GON4L: variants seen among roughly 807,000 people sequenced by gnomAD.
GON4L encodes GON-4-like protein.
In GON4L, 87 loss-of-function variants were observed where a neutral mutation model predicts 211.8. That is an observed-to-expected ratio of 0.41 (90% CI 0.35 to 0.49). GON4L has a LOEUF of 0.49. Among genes scored for constraint, GON4L ranks in the 20% least tolerant of loss-of-function variants. GON4L has a pLI of 0.15. For missense variants in GON4L, 2,155 were observed against 2,659.5 expected (o/e 0.81, Z 4.17); for synonymous variants, 875 against 962.6 (o/e 0.91, Z 1.68).
chr1:155,855,082 T>C (rs1365473948), intron 1 of GON4L, among the ~76,000 whole-genome samples: 1 of 152,022 alleles, frequency 6.6e-6, no homozygotes, highest in Non-Finnish European at 1.5e-5. Flanking sequence ...AAACTTTGTG[T>C]CGAAACAAGG....
At chr1:155,796,283 CT>C (rs368237326) in intron 11 of GON4L, among the ~76,000 whole-genome samples, 199 of 142,634 alleles carry the variant, frequency 1.4e-3, no homozygotes, top group African/African-American at 1.3e-3. Context: ...TTTCTTTTTT[CT>C]TTTTTTTTTT....
intron 17 of GON4L, chr1:155,773,496 G>T: frequency 2.4e-6 from 1 of 421,864 alleles, no homozygotes; most frequent in Non-Finnish European, 4.3e-6. Flanking sequence ...AAAATAAGGT[G>T]CTAACAATAG....
intron 16 of GON4L, among the ~76,000 whole-genome samples, chr1:155,775,785 T>A (rs1023312940): frequency 3.9e-5 from 6 of 152,000 alleles, no homozygotes; most frequent in African/African-American, 1.4e-4. Flanking sequence ...ACTTTTATTT[T>A]ATTTATTTAT....
At chr1:155,775,229 T>C in intron 16 of GON4L, 56 bp from the exon 17 acceptor site, 2 of 1,608,770 alleles carry the variant, frequency 1.2e-6, no homozygotes, top group South Asian at 1.1e-5. Context: ...TTAATACCAG[T>C]AGCCTTCAGA....
intron 11 of GON4L, among the ~76,000 whole-genome samples, chr1:155,795,925 T>C (rs1021942065): frequency 3.3e-5 from 5 of 152,100 alleles, no homozygotes; most frequent in East Asian, 3.9e-4. Context: ...GTGTGAGCCA[T>C]TGCACCCTGC....
rs112359646 is a variant in GON4L at position 155,810,061 on chromosome 1, T to C, written c.1452+3573A>G. 3.6e-3 allele frequency among the ~76,000 whole-genome samples: 528 copies of C among 147,960 alleles called. 6 individuals carry two copies. Among genetic ancestry groups the C allele is most frequent in the African/African-American group, 0.013 (501 of 39,936 alleles). ...CCCAGGCTGGAGTGCACTGGCGCCATCTCGGCTCACTGCAACCTCCGCTTC... is the reference window on the plus strand; with the variant it reads ...CCCAGGCTGGAGTGCACTGGCGCCACCTCGGCTCACTGCAACCTCCGCTTC... On this transcript the variant is annotated intron_variant, in intron 10 of 31. Coordinates refer to ENST00000368331, the MANE Select transcript of GON4L (RefSeq NM_001282860.2).
rs779603203 is a variant in GON4L at position 155,765,878 on chromosome 1, C to T, written c.3595G>A (p.Val1199Met). Reference protein sequence around the residue: ...SFPCPLNQSLVASSVSPLIVS... With the variant: ...SFPCPLNQSLMASSVSPLIVS... Reference sequence around the variant, plus strand: ...ATTAAGGGTGAGACAGAGGAGGCCACAAGGGACTGGTTCAATGGACAGGGG... The same window carrying T: ...ATTAAGGGTGAGACAGAGGAGGCCATAAGGGACTGGTTCAATGGACAGGGG... The change falls in exon 21 of 32, where the codon GTG becomes ATG. Residue 1199 changes from valine (V) to methionine (M), a missense_variant. This residue lies in a region of GON4L where 615 missense variants were observed against 625.7 expected (regional missense o/e 0.98). Coordinates refer to ENST00000368331, the MANE Select transcript of GON4L (RefSeq NM_001282860.2). 3.1e-6 allele frequency: 5 copies of T among 1,614,108 alleles called. No homozygotes were observed. The highest frequency in any genetic ancestry group is 1.6e-4 in the Middle Eastern group (1 of 6,062).
chr1:155,827,339 C>T (rs758623513), intron 2 of GON4L, among the ~76,000 whole-genome samples: 1 of 152,088 alleles, frequency 6.6e-6, no homozygotes, highest in Admixed American at 6.6e-5. Flanking sequence ...ACCATTAACA[C>T]CATATTTCAT....
At chr1:155,827,055 C>T (rs778947603) in intron 2 of GON4L, 27 bp from the exon 3 acceptor site, 22 of 1,505,270 alleles carry the variant, frequency 1.5e-5, no homozygotes, top group Non-Finnish European at 2.0e-5. Context: ...TATTGCTCCA[C>T]ACTTTGACCA....
chr1:155,821,582 A>C, intron 4 of GON4L, 34 bp from the exon 5 acceptor site: 3 of 1,282,858 alleles, frequency 2.3e-6, no homozygotes, highest in Non-Finnish European at 3.4e-6. Context: ...TTATGCAACA[A>C]GGGTTTGTCA....
chr1:155,762,372 C>T lies in GON4L; in HGVS notation c.4729G>A (p.Glu1577Lys). The change falls in exon 23 of 32, where the codon GAG becomes AAG. Residue 1577 changes from glutamate (E) to lysine (K), a missense_variant and splice_region_variant. Glu to Lys is a moderately conservative substitution (Grantham distance 56). Around this residue, in one of 6 missense-constraint regions of GON4L, gnomAD observed 455 missense variants for 504.6 expected, o/e 0.90. Coordinates refer to ENST00000368331, the MANE Select transcript of GON4L (RefSeq NM_001282860.2). ...CCTTTTCCAGCAGCTTTGATGCTCT[C>T]TCCTTGTAGCACACATGAAAAGGAT... ...EVETSRTPPG[E>K]SIKAAGKGRN... 2 of 1,605,578 alleles carry T rather than the reference C, an allele frequency of 1.2e-6. No individual in the cohort carries two copies. The highest frequency in any genetic ancestry group is 1.1e-5 in the South Asian group (1 of 90,288).
rs555251531 is a variant in GON4L at position 155,752,779 on chromosome 1, C to T, written c.5843-189G>A. Among the ~76,000 whole-genome samples, 22 of 152,096 alleles carry T rather than the reference C, an allele frequency of 1.4e-4. 1 individual carries two copies. The highest frequency in any genetic ancestry group is 6.5e-4 in the Admixed American group (10 of 15,290). ...GGGACTGCCAGGGGTTTGAGACTAG[C>T]CTGGGCAATATGGTGAGACTCCATC... On this transcript the variant is annotated intron_variant, in intron 29 of 31. Transcript: ENST00000368331.
At chr1:155,762,815 A>C (rs1438556363) in intron 22 of GON4L, among the ~76,000 whole-genome samples, 2 of 152,164 alleles carry the variant, frequency 1.3e-5, no homozygotes, top group Admixed American at 6.5e-5. Flanking sequence ...AGGCGGGTGG[A>C]TCATAAGGTT....
chr1:155,831,347 G>T (rs1054891278), intron 2 of GON4L, among the ~76,000 whole-genome samples: 3 of 152,054 alleles, frequency 2.0e-5, no homozygotes, highest in African/African-American at 7.2e-5. Flanking sequence ...CGTTTTGGGA[G>T]GCCAAGGCAG....
chr1:155,801,832 G>A (rs972748134), intron 11 of GON4L, among the ~76,000 whole-genome samples: 4 of 151,196 alleles, frequency 2.6e-5, no homozygotes, highest in East Asian at 3.9e-4. Flanking sequence ...GCAGTGAGCC[G>A]AGATCACACC....
Position 155,822,385 on chromosome 1 carries a change from C to G in GON4L, c.789G>C (p.Leu263Phe), listed in dbSNP as rs1668812770. 5 of 1,613,542 alleles carry G rather than the reference C, an allele frequency of 3.1e-6. No individual in the cohort carries two copies. In the South Asian group the frequency reaches 3.3e-5, roughly 11 times the overall value. Residue 263 changes from leucine to phenylalanine, a missense_variant, in exon 4 of 32, where the codon TTG (leucine) becomes TTC (phenylalanine). Physicochemically the swap from Leu to Phe is conservative, Grantham distance 22. Transcript: ENST00000368331. ...KRDGRGQEGTLAYDLKLDDML... is the reference protein window; with the variant it reads ...KRDGRGQEGTFAYDLKLDDML... ...TGTCATCCAGTTTCAGGTCATATGCCAAGGTCCCTTCTTGACCCCTTCCAT... is the reference window on the plus strand; with the variant it reads ...TGTCATCCAGTTTCAGGTCATATGCGAAGGTCCCTTCTTGACCCCTTCCAT...
At chr1:155,841,661 C>G (rs1260260185) in intron 2 of GON4L, among the ~76,000 whole-genome samples, 1 of 152,314 alleles carries the variant, frequency 6.6e-6, no homozygotes, top group East Asian at 1.9e-4. Context: ...CACCAAGGGA[C>G]ATGAGGGACC....
At chr1:155,764,605 A>C in intron 21 of GON4L, 2 of 409,070 alleles carry the variant, frequency 4.9e-6, no homozygotes, top group Non-Finnish European at 9.1e-6. Context: ...ATGCCTGGCT[A>C]ATTTTTGTTA....
At chr1:155,843,725 G>A (rs1263338388) in intron 2 of GON4L, among the ~76,000 whole-genome samples, 1 of 152,098 alleles carries the variant, frequency 6.6e-6, no homozygotes, top group African/African-American at 2.4e-5. Context: ...AGGGAGAAAC[G>A]ACTGCTTAAT....
Sources: gnomAD v4.1 joint callset for allele counts (sites outside exome capture counted in the v4.1 genomes callset) on GRCh38, gnomAD v4.1.1 for gene constraint, gnomAD v4.1.1 regional missense constraint, MANE v1.5 for transcripts, NCBI Gene and HGNC (gene_info 2026-07-23, HGNC 2026-07-21) for gene names.